The following DPP6 variants were observed in gnomAD, a reference collection of about 807,000 sequenced individuals.
DPP6 encodes the protein A-type potassium channel modulatory protein DPP6.
In DPP6, 69 loss-of-function variants were observed where a neutral mutation model predicts 122.6. The ratio of observed to expected loss-of-function variants is 0.56; its 90% CI spans 0.46 to 0.69. DPP6 has a LOEUF of 0.69. DPP6 is among the 30% of genes least tolerant of loss of function. The probability of loss-of-function intolerance (pLI) is 0.00; values close to 1 mark genes in which losing one functional copy is unlikely to be tolerated. For synonymous variants in DPP6, 418 were observed against 433.1 expected (o/e 0.97, Z 0.43); for missense variants, 928 against 1,116.9 (o/e 0.83, Z 2.41).
chr7:154,867,338 G>A (rs1803968199), intron 17 of DPP6, among the ~76,000 whole-genome samples: 1 of 152,116 alleles, frequency 6.6e-6, no homozygotes, highest in Non-Finnish European at 1.5e-5. Flanking sequence ...GTGTGCTGTC[G>A]CGGCAGAGGC....
chr7:154,801,278 T>C, intron 12 of DPP6, 77 bp from the exon 13 acceptor site: 1 of 1,520,138 alleles, frequency 6.6e-7, no homozygotes, highest in Non-Finnish European at 8.9e-7. Context: ...TATCTCGGGG[T>C]GTATTTTATC....
intron 7 of DPP6, among the ~76,000 whole-genome samples, chr7:154,702,648 G>C (rs116906350): frequency 6.6e-6 from 1 of 152,228 alleles, no homozygotes; most frequent in Admixed American, 6.5e-5. Flanking sequence ...GGGAGGTAAC[G>C]AGGCTATAGA....
the DPP6 span, among the ~76,000 whole-genome samples, chr7:153,762,501 T>C: frequency 6.6e-6 from 1 of 152,064 alleles, no homozygotes; most frequent in Admixed American, 6.6e-5. Flanking sequence ...CCTGGCGCGG[T>C]GGCTCACGCC....
chr7:154,064,794 G>A (rs1585298317), intron 1 of DPP6, among the ~76,000 whole-genome samples: 1 of 152,134 alleles, frequency 6.6e-6, no homozygotes, highest in Admixed American at 6.6e-5. Flanking sequence ...CTCATTCAGG[G>A]TTTCTGGTTG....
At chr7:153,928,519 G>T (rs529252684) in intron 1 of DPP6, among the ~76,000 whole-genome samples, 57 of 148,010 alleles carry the variant, frequency 3.9e-4, no homozygotes, top group African/African-American at 1.4e-3. Context: ...TGGCATTACA[G>T]GTGGGAGCCA....
chr7:154,280,254 T>G (rs1321584369), intron 1 of DPP6, among the ~76,000 whole-genome samples: 1 of 152,340 alleles, frequency 6.6e-6, no homozygotes, highest in South Asian at 2.1e-4. Flanking sequence ...CAAACGTCAC[T>G]TGTAAATCTA....
intron 1 of DPP6, among the ~76,000 whole-genome samples, chr7:154,063,533 C>G (rs1386755884): frequency 7.6e-6 from 1 of 131,194 alleles, no homozygotes. Flanking sequence ...GGGGAGGCAC[C>G]CCCCGCGAGG....
At chr7:154,639,882 C>T (rs1463911687) in intron 6 of DPP6, among the ~76,000 whole-genome samples, 1 of 152,148 alleles carries the variant, frequency 6.6e-6, no homozygotes, top group Non-Finnish European at 1.5e-5. Context: ...AGTGAGAGCT[C>T]CAAGAGGTCA....
At chr7:154,238,985 A>G (rs1179686839) in intron 1 of DPP6, among the ~76,000 whole-genome samples, 3 of 152,208 alleles carry the variant, frequency 2.0e-5, no homozygotes, top group African/African-American at 7.2e-5. Flanking sequence ...ATTGAAAGAA[A>G]CAGTTGATCC....
At chr7:154,568,274 G>A (rs190049432) in intron 5 of DPP6, among the ~76,000 whole-genome samples, 11 of 152,356 alleles carry the variant, frequency 7.2e-5, no homozygotes, top group African/African-American at 2.4e-4. Context: ...AAAGAAAAAT[G>A]TTAGCAGATA....
At chr7:154,352,710 C>T (rs1312236471) in intron 1 of DPP6, among the ~76,000 whole-genome samples, 1 of 152,006 alleles carries the variant, frequency 6.6e-6, no homozygotes, top group Admixed American at 6.6e-5. Context: ...AACATTAGGA[C>T]AAGTACCTCA....
intron 10 of DPP6, among the ~76,000 whole-genome samples, chr7:154,773,980 TCTA>T (rs1282493278): frequency 6.6e-6 from 1 of 152,180 alleles, no homozygotes; most frequent in Non-Finnish European, 1.5e-5. Flanking sequence ...TCTGCAGAAT[TCTA>T]CTGCGATTCC....
intron 6 of DPP6, among the ~76,000 whole-genome samples, chr7:154,668,188 G>A (rs55932857): frequency 0.042 from 1,449 of 34,386 alleles, 52 homozygotes; most frequent in African/African-American, 0.079. Flanking sequence ...TCCCAGCTAT[G>A]TGTATATTTT....
At chr7:154,694,258 G>A (rs1840089856) in intron 7 of DPP6, among the ~76,000 whole-genome samples, 1 of 152,140 alleles carries the variant, frequency 6.6e-6, no homozygotes, top group South Asian at 2.1e-4. Context: ...CCCATTGGGG[G>A]TGGGATTTCA....
intron 1 of DPP6, among the ~76,000 whole-genome samples, chr7:154,285,592 G>A (rs963817666): frequency 2.6e-5 from 4 of 152,092 alleles, no homozygotes; most frequent in African/African-American, 9.7e-5. Flanking sequence ...TATCATTTTA[G>A]GTTATTATAA....
the DPP6 span, among the ~76,000 whole-genome samples, chr7:153,863,888 C>T: frequency 2.6e-5 from 4 of 152,168 alleles, no homozygotes; most frequent in Non-Finnish European, 5.9e-5. Context: ...AGTTCATCCA[C>T]GTTGTGGCAT....
chr7:153,873,739 C>T, the DPP6 span, among the ~76,000 whole-genome samples: 13 of 152,140 alleles, frequency 8.5e-5, no homozygotes, highest in Non-Finnish European at 1.3e-4. Flanking sequence ...AGAACAAATC[C>T]GCTATCAGGA....
chr7:154,773,147 C>G (rs1796347041), intron 10 of DPP6, among the ~76,000 whole-genome samples: 1 of 152,122 alleles, frequency 6.6e-6, no homozygotes, highest in Middle Eastern at 3.4e-3. Flanking sequence ...TATTTTTTAC[C>G]TTAGGTCAGA....
chr7:153,836,651 C>A, the DPP6 span, among the ~76,000 whole-genome samples: 3 of 152,296 alleles, frequency 2.0e-5, no homozygotes, highest in Non-Finnish European at 4.4e-5. Context: ...TTTGAGCTTT[C>A]TCTCAATATT....
Sources: gnomAD v4.1 joint callset for allele counts (sites outside exome capture counted in the v4.1 genomes callset) on GRCh38, gnomAD v4.1.1 for gene constraint, MANE v1.5 for transcripts, NCBI Gene and HGNC (gene_info 2026-07-23, HGNC 2026-07-21) for gene names.